Variants in RBKS observed in about 807,000 individuals in gnomAD.
RBKS encodes ribokinase.
A neutral mutation model predicts 33.9 loss-of-function variants in RBKS; 33 were observed. That is an observed-to-expected ratio of 0.97 (90% confidence interval 0.74 to 1.30). The LOEUF is 1.30. RBKS is among the 50% of genes most tolerant of loss of function. RBKS has a pLI of 0.00. For missense variants in RBKS, 361 were observed against 392.6 expected, an observed-to-expected ratio of 0.92 and a Z score of 0.68; for synonymous variants, 125 against 143.0, an observed-to-expected ratio of 0.87 and a Z score of 0.90.
At chr2:27,816,064 G>A (rs1678086284) in intron 7 of RBKS, among the ~76,000 whole-genome samples, 1 of 152,162 alleles carries the variant, frequency 6.6e-6, no homozygotes, top group African/African-American at 2.4e-5. Context: ...GCATGTCCAG[G>A]TCTGTGGGAC....
At chr2:27,857,119 T>C (rs1663873077) in intron 2 of RBKS, among the ~76,000 whole-genome samples, 2 of 152,230 alleles carry the variant, frequency 1.3e-5, no homozygotes, top group Non-Finnish European at 2.9e-5. Context: ...GTATAGTTTA[T>C]ACATCATTTA....
At chr2:27,832,051 A>G (rs1678427958) in intron 6 of RBKS, among the ~76,000 whole-genome samples, 1 of 152,190 alleles carries the variant, frequency 6.6e-6, no homozygotes, top group African/African-American at 2.4e-5. Flanking sequence ...ATAAAAAGGG[A>G]GAAATATTGA....
chr2:27,849,990 G>C (rs1663706333), intron 2 of RBKS, among the ~76,000 whole-genome samples: 1 of 152,116 alleles, frequency 6.6e-6, no homozygotes, highest in Non-Finnish European at 1.5e-5. Context: ...GGACACCCTT[G>C]TTATCTTCTC....
In RBKS at chr2:27,834,058, G is replaced by C. The variant is rs373511694; in HGVS notation, c.515-1281C>G. Among the ~76,000 whole-genome samples the C allele has an allele frequency of 1.6e-4, 25 of 152,322 alleles. No individual in the cohort carries two copies. The East Asian group carries it at 2.3e-3, about 14-fold the overall frequency. Reference sequence around the variant, plus strand: ...TCAAACCCACTGAATCAGAATCTCTGGGGGTAAGATCAGGGAATCTGCATA... The same window carrying C: ...TCAAACCCACTGAATCAGAATCTCTCGGGGTAAGATCAGGGAATCTGCATA... On this transcript the variant is annotated intron_variant, in intron 5 of 7. Transcript: ENST00000302188.
At chr2:27,800,923 G>C (rs533810887) in intron 7 of RBKS, among the ~76,000 whole-genome samples, 1 of 152,154 alleles carries the variant, frequency 6.6e-6, no homozygotes, top group Non-Finnish European at 1.5e-5. Flanking sequence ...TGGGGAGGAC[G>C]TGCAGAGGGA....
intron 1 of RBKS, among the ~76,000 whole-genome samples, chr2:27,888,545 C>T (rs891896659): frequency 2.0e-5 from 3 of 152,204 alleles, no homozygotes; most frequent in African/African-American, 4.8e-5. Context: ...TTATGTAACT[C>T]AACTTTATGA....
chr2:27,840,391 CA>C (rs1484276497), intron 5 of RBKS, among the ~76,000 whole-genome samples: 10 of 151,648 alleles, frequency 6.6e-5, no homozygotes, highest in East Asian at 1.9e-4. Flanking sequence ...CACACACACA[CA>C]CACCCTCCTC....
chr2:27,814,793 A>T (rs1447371114), intron 7 of RBKS, among the ~76,000 whole-genome samples: 1 of 152,154 alleles, frequency 6.6e-6, no homozygotes, highest in Non-Finnish European at 1.5e-5. Context: ...TGATCTCCAA[A>T]TCCATAGCTT....
At chr2:27,814,211 A>T (rs1262267679) in intron 7 of RBKS, among the ~76,000 whole-genome samples, 4 of 152,184 alleles carry the variant, frequency 2.6e-5, no homozygotes, top group Admixed American at 6.5e-5. Flanking sequence ...GCAGAGTGAG[A>T]CCCGATCTCT....
chr2:27,849,994 T>C (rs1323305569), intron 2 of RBKS, among the ~76,000 whole-genome samples: 1 of 152,194 alleles, frequency 6.6e-6, no homozygotes, highest in Non-Finnish European at 1.5e-5. Context: ...ACCCTTGTTA[T>C]CTTCTCCCAT....
At chr2:27,862,077 A>C (rs1664001365) in intron 1 of RBKS, among the ~76,000 whole-genome samples, 1 of 150,958 alleles carries the variant, frequency 6.6e-6, no homozygotes, top group Non-Finnish European at 1.5e-5. Flanking sequence ...CCTCCCAGAG[A>C]GCTGGGACCA....
Position 27,823,328 on chromosome 2 carries a change from G to A in RBKS, c.795+4239C>T, listed in dbSNP as rs567486765. On this transcript the variant is annotated intron_variant, in intron 7 of 7. Coordinates refer to ENST00000302188, the MANE Select transcript of RBKS (RefSeq NM_022128.3). Reference sequence around the variant, plus strand: ...CAACTATTAACAGTGAGGCAAAACTGAATATAGCAGTCTGCAGAAGCACTG... The same window carrying A: ...CAACTATTAACAGTGAGGCAAAACTAAATATAGCAGTCTGCAGAAGCACTG... Among the ~76,000 whole-genome samples the A allele has an allele frequency of 2.6e-5, 4 of 152,324 alleles. No individual in the cohort carries two copies. In the East Asian group the frequency reaches 7.7e-4, roughly 29 times the overall value.
At chr2:27,831,984 C>T (rs942871835) in intron 6 of RBKS, among the ~76,000 whole-genome samples, 1 of 152,156 alleles carries the variant, frequency 6.6e-6, no homozygotes, top group Non-Finnish European at 1.5e-5. Context: ...CCTTTACTAA[C>T]GTGTATACCT....
intron 1 of RBKS, chr2:27,861,672 G>GGGGGT: frequency 7.1e-6 from 3 of 422,998 alleles, no homozygotes; most frequent in South Asian, 3.5e-5. Flanking sequence ...TTGGGGGGGG[G>GGGGGT]GTGGAGTCTC....
At chr2:27,833,751 T>C (rs538458932) in intron 5 of RBKS, among the ~76,000 whole-genome samples, 3 of 152,314 alleles carry the variant, frequency 2.0e-5, no homozygotes, top group South Asian at 4.1e-4. Flanking sequence ...ACTTCGTAAA[T>C]GTAGATATAT....
At chr2:27,786,235 GTCTTT>G (rs1387351698) in intron 7 of RBKS, among the ~76,000 whole-genome samples, 2 of 152,176 alleles carry the variant, frequency 1.3e-5, no homozygotes, top group Admixed American at 1.3e-4. Flanking sequence ...AGGGACAGTG[GTCTTT>G]TCTTCTTTAT....
intron 6 of RBKS, among the ~76,000 whole-genome samples, chr2:27,829,888 G>A (rs1306797935): frequency 6.6e-6 from 1 of 152,164 alleles, no homozygotes; most frequent in Non-Finnish European, 1.5e-5. Flanking sequence ...CAGGCAGCAG[G>A]GGTAGCAGGT....
At chr2:27,789,949 G>A (rs13008097) in intron 7 of RBKS, among the ~76,000 whole-genome samples, 74 of 121,352 alleles carry the variant, frequency 6.1e-4, no homozygotes, top group African/African-American at 1.2e-3. Context: ...ATGTATATGT[G>A]TATATATATA....
intron 7 of RBKS, among the ~76,000 whole-genome samples, chr2:27,801,986 ATATATATTTTTTTTTTTT>A (rs1677803005): frequency 1.1e-5 from 1 of 92,814 alleles, no homozygotes; most frequent in African/African-American, 4.9e-5. Context: ...ATATATATAT[ATATATATTTTTTTTTTTT>A]TTTTTTTTTT....
Sources: gnomAD v4.1 joint callset for allele counts (sites outside exome capture counted in the v4.1 genomes callset) on GRCh38, gnomAD v4.1.1 for gene constraint, MANE v1.5 for transcripts, NCBI Gene and HGNC (gene_info 2026-07-23, HGNC 2026-07-21) for gene names.